Variants in NBEA observed in about 807,000 individuals in gnomAD.
The protein encoded by NBEA is neurobeachin.
In NBEA, 44 loss-of-function variants were observed where a neutral mutation model predicts 343.4. The observed-to-expected ratio is 0.13, with a 90% CI of 0.10 to 0.16. The LOEUF is 0.16. NBEA is among the 10% of genes least tolerant of loss of function. The pLI is 1.00. For missense variants in NBEA, 2,555 were observed against 3,631.3 expected, an observed-to-expected ratio of 0.70 and a Z score of 7.62; for synonymous variants, 1,175 against 1,238.7, an observed-to-expected ratio of 0.95 and a Z score of 1.08.
At chr13:35,250,445 T>G (rs1171485401) in intron 34 of NBEA, among the ~76,000 whole-genome samples, 1 of 152,176 alleles carries the variant, frequency 6.6e-6, no homozygotes, top group Non-Finnish European at 1.5e-5. Flanking sequence ...TCAACCTCAT[T>G]TGCAATCTCA....
chr13:35,591,232 A>G (rs912977813), intron 46 of NBEA, among the ~76,000 whole-genome samples: 1 of 152,072 alleles, frequency 6.6e-6, no homozygotes, highest in Non-Finnish European at 1.5e-5. Flanking sequence ...AGATAGAGAA[A>G]TAGTTCCACC....
intron 35 of NBEA, among the ~76,000 whole-genome samples, chr13:35,303,282 G>C (rs1367989677): frequency 6.6e-6 from 1 of 152,104 alleles, no homozygotes; most frequent in Non-Finnish European, 1.5e-5. Flanking sequence ...ATTATTTTAA[G>C]AGGTCTCATT....
intron 33 of NBEA, among the ~76,000 whole-genome samples, chr13:35,231,580 G>A (rs765082150): frequency 6.6e-6 from 1 of 152,066 alleles, no homozygotes; most frequent in African/African-American, 2.4e-5. Flanking sequence ...AAATATGGGT[G>A]TGTTCAAAGT....
Position 34,942,525 on chromosome 13 carries a change from C to A in NBEA, c.-296C>A. The A allele has an allele frequency of 5.0e-6, 1 of 200,202 alleles. No homozygotes were observed. The highest frequency in any genetic ancestry group is 9.7e-6 in the Non-Finnish European group (1 of 102,730). 12.4% of individuals were successfully genotyped at this position (200,202 alleles called of 1,614,324 possible). A position where few individuals can be genotyped will look rare whatever the true frequency, so the allele number is the denominator to read the frequency against. Reference sequence around the variant, plus strand: ...GAGAGGGAGAGAGCAGAGGCAGCGGCGGCGGCAGCGGCAGCGGCAGCGGCA... The same window carrying A: ...GAGAGGGAGAGAGCAGAGGCAGCGGAGGCGGCAGCGGCAGCGGCAGCGGCA... On this transcript the variant is annotated 5_prime_UTR_variant, in exon 1 of 59. Coordinates refer to ENST00000379939, the MANE Select transcript of NBEA (RefSeq NM_001385012.1).
At chr13:35,436,646 C>T (rs148276254) in intron 39 of NBEA, among the ~76,000 whole-genome samples, 17 of 149,146 alleles carry the variant, frequency 1.1e-4, no homozygotes, top group African/African-American at 2.5e-4. Flanking sequence ...GGAGACGGAG[C>T]TTGCAGTGAG....
intron 38 of NBEA, among the ~76,000 whole-genome samples, chr13:35,415,646 A>G (rs1486522425): frequency 1.3e-5 from 2 of 152,020 alleles, no homozygotes; most frequent in Non-Finnish European, 2.9e-5. Flanking sequence ...GCCTTGTAGT[A>G]TAGTTTGAAG....
intron 41 of NBEA, among the ~76,000 whole-genome samples, chr13:35,550,063 C>T (rs2079239692): frequency 6.6e-6 from 1 of 152,148 alleles, no homozygotes; most frequent in African/African-American, 2.4e-5. Flanking sequence ...CTGGATTAAA[C>T]CAATCATGAT....
At chr13:35,235,387 GCTAT>G (rs1421709392) in intron 34 of NBEA, among the ~76,000 whole-genome samples, 3 of 151,874 alleles carry the variant, frequency 2.0e-5, no homozygotes, top group African/African-American at 4.8e-5. Flanking sequence ...TTTTTCTGTT[GCTAT>G]CTATCTTTTC....
intron 1 of NBEA, among the ~76,000 whole-genome samples, chr13:34,970,818 C>T (rs1010327463): frequency 3.3e-5 from 5 of 152,084 alleles, no homozygotes; most frequent in African/African-American, 1.2e-4. Flanking sequence ...ATGCCTCTAG[C>T]TTTGTTCTTT....
intron 34 of NBEA, among the ~76,000 whole-genome samples, chr13:35,282,050 C>G (rs1398963313): frequency 6.6e-6 from 1 of 151,700 alleles, no homozygotes; most frequent in African/African-American, 2.4e-5. Context: ...GTAGCTGAGA[C>G]TACAGGCGCC....
At chr13:35,229,481 A>G (rs777578908) in intron 33 of NBEA, among the ~76,000 whole-genome samples, 1 of 152,136 alleles carries the variant, frequency 6.6e-6, no homozygotes, top group Non-Finnish European at 1.5e-5. Flanking sequence ...TCTGGTGGCT[A>G]TATGTTCTTT....
intron 35 of NBEA, among the ~76,000 whole-genome samples, chr13:35,297,138 G>A (rs965922594): frequency 6.6e-6 from 1 of 151,488 alleles, no homozygotes; most frequent in Non-Finnish European, 1.5e-5. Context: ...GTGTTCATTT[G>A]TATGTATATG....
intron 38 of NBEA, among the ~76,000 whole-genome samples, chr13:35,384,427 T>C (rs752559783): frequency 2.6e-5 from 4 of 152,148 alleles, no homozygotes; most frequent in Non-Finnish European, 5.9e-5. Context: ...CTTCAGTGGA[T>C]TAAAGCCTTC....
At chr13:35,181,904 A>G (rs2071346325) in intron 28 of NBEA, among the ~76,000 whole-genome samples, 1 of 151,702 alleles carries the variant, frequency 6.6e-6, no homozygotes, top group African/African-American at 2.4e-5. Flanking sequence ...GTATTCATAT[A>G]GTCTCTTGTT....
intron 8 of NBEA, among the ~76,000 whole-genome samples, chr13:35,060,129 C>A (rs2063414186): frequency 6.6e-6 from 1 of 151,664 alleles, no homozygotes; most frequent in Non-Finnish European, 1.5e-5. Context: ...CTTGCAGTGT[C>A]TTTTTAAGCT....
chr13:35,509,128 T>G (rs1004088312), intron 41 of NBEA, among the ~76,000 whole-genome samples: 2 of 152,218 alleles, frequency 1.3e-5, no homozygotes, highest in Non-Finnish European at 2.9e-5. Context: ...GTCTGGCGTA[T>G]GCCTGCCTGA....
intron 34 of NBEA, among the ~76,000 whole-genome samples, chr13:35,288,067 G>T (rs1256203909): frequency 1.3e-5 from 2 of 151,946 alleles, no homozygotes; most frequent in East Asian, 3.9e-4. Context: ...TTGCTCATAA[G>T]TGGAGATATC....
chr13:35,009,995 G>A (rs7996851), intron 1 of NBEA, among the ~76,000 whole-genome samples: 57,837 of 151,990 alleles, frequency 0.38, 11,648 homozygotes, highest in East Asian at 0.49. Context: ...CTCGCTAGAG[G>A]ATCTAATTTG....
At chr13:35,447,017 C>G (rs922169978) in intron 39 of NBEA, among the ~76,000 whole-genome samples, 1 of 151,834 alleles carries the variant, frequency 6.6e-6, no homozygotes, top group Admixed American at 6.6e-5. Flanking sequence ...TTACTTTTTT[C>G]TTTATTAGTA....
Sources: allele counts gnomAD v4.1 joint callset (sites outside exome capture counted in the v4.1 genomes callset), GRCh38; gene constraint gnomAD v4.1.1; transcripts MANE v1.5; gene names NCBI Gene and HGNC (gene_info 2026-07-23, HGNC 2026-07-21).